The following CA10 variants were observed in gnomAD, a reference collection of about 807,000 sequenced individuals.
CA10 encodes carbonic anhydrase-related protein 10.
CA10 carries 14 observed loss-of-function variants against 44.2 expected under a neutral mutation model. The ratio of observed to expected loss-of-function variants is 0.32; its 90% confidence interval spans 0.21 to 0.50. The LOEUF (loss-of-function observed/expected upper bound fraction) is 0.50, where lower values mean the gene tolerates loss of function less well. Among genes scored for constraint, CA10 ranks in the 20% least tolerant of loss-of-function variants. The pLI is 0.99. For missense variants in CA10, 350 were observed against 409.7 expected (o/e 0.85, Z 1.26); for synonymous variants, 159 against 141.6 (o/e 1.12, Z -0.87).
intron 2 of CA10, among the ~76,000 whole-genome samples, chr17:51,962,683 T>G (rs1360015753): frequency 6.6e-6 from 1 of 151,920 alleles, no homozygotes; most frequent in African/African-American, 2.4e-5. Flanking sequence ...ACATTCTCTA[T>G]GGTCACACCC....
At chr17:52,153,659 G>T (rs1030659563) in intron 1 of CA10, among the ~76,000 whole-genome samples, 2 of 152,130 alleles carry the variant, frequency 1.3e-5, no homozygotes, top group Non-Finnish European at 2.9e-5. Context: ...AATAGGGTTT[G>T]TGCTCAATGT....
chr17:52,052,716 TTAGA>T (rs1438787492), intron 2 of CA10, among the ~76,000 whole-genome samples: 2 of 152,078 alleles, frequency 1.3e-5, no homozygotes, highest in African/African-American at 2.4e-5. Context: ...CACTGGCTCC[TTAGA>T]TAAAGGTTAA....
At chr17:51,703,144 C>T (rs1229023253) in intron 4 of CA10, among the ~76,000 whole-genome samples, 1 of 152,046 alleles carries the variant, frequency 6.6e-6, no homozygotes, top group Non-Finnish European at 1.5e-5. Flanking sequence ...GAATGAGGTC[C>T]CTAGTTTCAT....
intron 2 of CA10, among the ~76,000 whole-genome samples, chr17:52,041,011 A>G (rs1986753421): frequency 6.6e-6 from 1 of 152,040 alleles, no homozygotes; most frequent in African/African-American, 2.4e-5. Context: ...TACACACAAC[A>G]TCAGGTAGAA....
At chr17:52,043,796 C>T (rs967664088) in intron 2 of CA10, among the ~76,000 whole-genome samples, 5 of 151,920 alleles carry the variant, frequency 3.3e-5, no homozygotes, top group African/African-American at 7.2e-5. Flanking sequence ...TGCTTTTTCC[C>T]CATCTATTGA....
intron 2 of CA10, among the ~76,000 whole-genome samples, chr17:51,993,811 T>C (rs937967337): frequency 2.6e-5 from 4 of 151,932 alleles, no homozygotes; most frequent in African/African-American, 9.7e-5. Context: ...CTCTCTCTTC[T>C]ACCTCCCTCC....
At chr17:51,657,614 A>T (rs889422506) in intron 4 of CA10, among the ~76,000 whole-genome samples, 5 of 152,122 alleles carry the variant, frequency 3.3e-5, no homozygotes, top group Admixed American at 3.3e-4. Flanking sequence ...CTGTGGATGG[A>T]TTTCTTTTTG....
At chr17:51,744,753 C>G (rs1398356855) in intron 4 of CA10, among the ~76,000 whole-genome samples, 1 of 152,176 alleles carries the variant, frequency 6.6e-6, no homozygotes, top group Non-Finnish European at 1.5e-5. Context: ...TAGCTACCAC[C>G]CATTGGCCAT....
intron 1 of CA10, among the ~76,000 whole-genome samples, chr17:52,157,383 G>C (rs183230444): frequency 2.2e-4 from 33 of 152,112 alleles, no homozygotes; most frequent in African/African-American, 8.0e-4. Flanking sequence ...GCCAGGGGAT[G>C]GGGGTGGTTG....
chr17:51,966,648 C>T (rs959289901), intron 2 of CA10, among the ~76,000 whole-genome samples: 1 of 151,832 alleles, frequency 6.6e-6, no homozygotes, highest in Admixed American at 6.6e-5. Flanking sequence ...AGCTGGTTAG[C>T]TGTATGCAGA....
intron 2 of CA10, among the ~76,000 whole-genome samples, chr17:52,000,964 A>G (rs1985403392): frequency 6.6e-6 from 1 of 152,006 alleles, no homozygotes; most frequent in South Asian, 2.1e-4. Context: ...GAAACAGTAC[A>G]GTACTTATCT....
intron 3 of CA10, among the ~76,000 whole-genome samples, chr17:51,841,323 T>C (rs1271342664): frequency 2.6e-5 from 4 of 152,186 alleles, no homozygotes; most frequent in Non-Finnish European, 5.9e-5. Flanking sequence ...CCTGGTTTCA[T>C]GGCCTCCACA....
At chr17:52,070,728 C>A (rs553279387) in intron 2 of CA10, among the ~76,000 whole-genome samples, 1 of 152,130 alleles carries the variant, frequency 6.6e-6, no homozygotes, top group Non-Finnish European at 1.5e-5. Flanking sequence ...GTCTTAGAAG[C>A]AACAACCAAC....
chr17:51,908,372 C>T (rs1050401909), intron 3 of CA10, among the ~76,000 whole-genome samples: 52 of 152,262 alleles, frequency 3.4e-4, no homozygotes, highest in African/African-American at 1.2e-3. Context: ...TTTGCATTTC[C>T]GTAGGCCTCT....
At chr17:52,136,573 G>C (rs904275501) in intron 1 of CA10, among the ~76,000 whole-genome samples, 1 of 152,192 alleles carries the variant, frequency 6.6e-6, no homozygotes, top group Admixed American at 6.5e-5. Context: ...GGTGGTATCT[G>C]TGTGTCTTGC....
At chr17:52,123,395 T>TGTGTGTGTGTGTGA (rs1555568613) in intron 1 of CA10, among the ~76,000 whole-genome samples, 17 of 151,324 alleles carry the variant, frequency 1.1e-4, no homozygotes, top group Non-Finnish European at 2.4e-4. Flanking sequence ...TGTGTGTGTG[T>TGTGTGTGTGTGTGA]GACGTTTTCA....
chr17:51,781,243 G>A (rs1035847527), intron 3 of CA10, among the ~76,000 whole-genome samples: 1 of 152,192 alleles, frequency 6.6e-6, no homozygotes, highest in Non-Finnish European at 1.5e-5. Context: ...TAATTCCTGA[G>A]AAGGACTGTT....
intron 4 of CA10, among the ~76,000 whole-genome samples, chr17:51,733,935 T>A (rs1434415542): frequency 6.6e-6 from 1 of 152,082 alleles, no homozygotes; most frequent in Non-Finnish European, 1.5e-5. Context: ...ACCTTATTAA[T>A]CACAGGGGCG....
At chr17:51,918,495 T>G (rs766893477) in intron 3 of CA10, among the ~76,000 whole-genome samples, 9 of 152,144 alleles carry the variant, frequency 5.9e-5, no homozygotes, top group Non-Finnish European at 8.8e-5. Context: ...GTGTATACAT[T>G]TTCACCCACT....
Sources: allele counts gnomAD v4.1 joint callset (sites outside exome capture counted in the v4.1 genomes callset), GRCh38; gene constraint gnomAD v4.1.1; transcripts MANE v1.5; gene names NCBI Gene and HGNC (gene_info 2026-07-23, HGNC 2026-07-21).